Variants in COL5A2 observed in about 807,000 individuals in gnomAD.
COL5A2 encodes the protein collagen alpha-2(V) chain.
Under a neutral mutation model 208.2 loss-of-function variants are expected in COL5A2, and 23 were observed. That is an observed-to-expected ratio of 0.11 (90% CI 0.08 to 0.16). The LOEUF (loss-of-function observed/expected upper bound fraction) is 0.16. COL5A2 is among the 10% of genes least tolerant of loss of function. The pLI is 1.00. For synonymous variants in COL5A2, 625 were observed against 628.5 expected (o/e 0.99, Z 0.08); for missense variants, 1,590 against 1,956.4 (o/e 0.81, Z 3.53).
At chr2:189,386,441 C>G in the COL5A2 span, among the ~76,000 whole-genome samples, 1 of 152,032 alleles carries the variant, frequency 6.6e-6, no homozygotes, top group Admixed American at 6.6e-5. Flanking sequence ...ATGACTAAGT[C>G]CCCAAAAGCA....
the COL5A2 span, among the ~76,000 whole-genome samples, chr2:189,316,448 C>A: frequency 6.6e-6 from 1 of 151,928 alleles, no homozygotes; most frequent in Non-Finnish European, 1.5e-5. Context: ...GTGCAGCAAA[C>A]CACCATGGCA....
chr2:189,248,176 T>C, the COL5A2 span, among the ~76,000 whole-genome samples: 1 of 152,264 alleles, frequency 6.6e-6, no homozygotes, highest in Admixed American at 6.5e-5. Context: ...AATAGCAATG[T>C]GCTTTTTTCA....
chr2:189,319,517 T>C, the COL5A2 span, among the ~76,000 whole-genome samples: 1 of 152,246 alleles, frequency 6.6e-6, no homozygotes, highest in African/African-American at 2.4e-5. Context: ...CAGGAGATTA[T>C]ATCCCGTGCC....
chr2:189,142,975 T>C (rs1006397152), intron 1 of COL5A2, among the ~76,000 whole-genome samples: 1 of 152,192 alleles, frequency 6.6e-6, no homozygotes, highest in Admixed American at 6.6e-5. Context: ...CATTCTTAAG[T>C]AAATATTTTC....
chr2:189,160,894 G>A (rs10931400), intron 1 of COL5A2, among the ~76,000 whole-genome samples: 88,386 of 146,500 alleles, frequency 0.6, 27,655 homozygotes, highest in East Asian at 0.78. Flanking sequence ...GCAATGGCGC[G>A]ATCTCAGCTT....
rs564667906 is a variant in COL5A2 at position 189,034,820 on chromosome 2, G to A, written c.4353+96C>T. On this transcript the variant is annotated intron_variant, in intron 53 of 53. Transcript: ENST00000374866. ...AAACTGCTATTATGCTCATATACAA[G>A]GTAAAATTGCCCCCAGTTCTAGTGC... 4.9e-5 allele frequency: 71 copies of A among 1,445,210 alleles called. 2 individuals carry two copies. The East Asian group carries it at 1.6e-3, about 32-fold the overall frequency. 89.5% of individuals were successfully genotyped at this position (1,445,210 alleles called of 1,614,324 possible).
At chr2:189,342,447 G>A in the COL5A2 span, among the ~76,000 whole-genome samples, 17 of 111,116 alleles carry the variant, frequency 1.5e-4, no homozygotes, top group African/African-American at 4.2e-4. Context: ...TATATGTATA[G>A]ATATGCTTAT....
At chr2:189,085,400 T>C (rs1251056458) in intron 10 of COL5A2, among the ~76,000 whole-genome samples, 187 bp from the exon 11 acceptor site, 1 of 152,198 alleles carries the variant, frequency 6.6e-6, no homozygotes, top group Non-Finnish European at 1.5e-5. Flanking sequence ...CATCCCCAGA[T>C]CATGTGCTCA....
chr2:189,433,376 A>G, the COL5A2 span, among the ~76,000 whole-genome samples: 1 of 152,212 alleles, frequency 6.6e-6, no homozygotes, highest in Non-Finnish European at 1.5e-5. Flanking sequence ...CCCTTCAAAA[A>G]ATCAATGAAT....
the COL5A2 span, among the ~76,000 whole-genome samples, chr2:189,368,811 C>A: frequency 6.6e-6 from 1 of 152,150 alleles, no homozygotes; most frequent in African/African-American, 2.4e-5. Context: ...CTACACCCTA[C>A]CCATTCTGTA....
At chr2:189,296,892 A>G in the COL5A2 span, among the ~76,000 whole-genome samples, 2 of 152,218 alleles carry the variant, frequency 1.3e-5, no homozygotes, top group Non-Finnish European at 2.9e-5. Flanking sequence ...GAATTTGTAT[A>G]GATTTTAATG....
chr2:189,397,830 TTTC>T, the COL5A2 span, among the ~76,000 whole-genome samples: 62 of 152,128 alleles, frequency 4.1e-4, 1 homozygote, highest in East Asian at 4.4e-3. Context: ...TCCTCATTAT[TTTC>T]TTCTTTCCAC....
chr2:189,323,367 G>A, the COL5A2 span, among the ~76,000 whole-genome samples: 10 of 152,166 alleles, frequency 6.6e-5, no homozygotes, highest in East Asian at 1.9e-4. Context: ...ATTAGGAAAA[G>A]AGGAAGTCAA....
intron 41 of COL5A2, 98 bp from the exon 42 acceptor site, chr2:189,051,579 C>T: frequency 9.1e-7 from 1 of 1,093,990 alleles, no homozygotes; most frequent in Non-Finnish European, 1.3e-6. Context: ...GATGTCCAAG[C>T]CTCGCAGGTT....
At chr2:189,289,022 T>G in the COL5A2 span, among the ~76,000 whole-genome samples, 1 of 152,130 alleles carries the variant, frequency 6.6e-6, no homozygotes, top group Non-Finnish European at 1.5e-5. Context: ...CGCTGAAAGT[T>G]TCAACAAATT....
At position 189,064,630 on chromosome 2, in the gene COL5A2, A is replaced by G; in HGVS notation, c.1643T>C (p.Val548Ala). ...GCTTCCTTTGGGTCCTGAAGAACCT[A>G]CAGGACCCCGTTCTCCTTGAGCACC... ...PKGAQGERGPVGSSGPKGSQG... is the reference protein window; with the variant it reads ...PKGAQGERGPAGSSGPKGSQG... The change falls in exon 25 of 54, where the codon GTA becomes GCA. Residue 548 changes from valine to alanine, a missense_variant. Physicochemically the swap from Val to Ala is moderately conservative, Grantham distance 64. Coordinates refer to ENST00000374866, the MANE Select transcript of COL5A2 (RefSeq NM_000393.5). 1.2e-6 allele frequency: 2 copies of G among 1,613,648 alleles called. No individual in the cohort carries two copies. The highest frequency in any genetic ancestry group is 1.7e-6 in the Non-Finnish European group (2 of 1,179,698).
At chr2:189,281,051 A>G in the COL5A2 span, among the ~76,000 whole-genome samples, 1 of 152,062 alleles carries the variant, frequency 6.6e-6, no homozygotes, top group South Asian at 2.1e-4. Context: ...TGAATTTTTA[A>G]CAATATATTT....
At chr2:189,318,877 C>T in the COL5A2 span, among the ~76,000 whole-genome samples, 1 of 152,034 alleles carries the variant, frequency 6.6e-6, no homozygotes, top group Non-Finnish European at 1.5e-5. Context: ...GCAAATAAAC[C>T]TCTGCCAGAG....
intron 1 of COL5A2, among the ~76,000 whole-genome samples, chr2:189,224,356 G>A (rs1290675909): frequency 2.6e-5 from 4 of 151,836 alleles, no homozygotes; most frequent in African/African-American, 9.7e-5. Flanking sequence ...ATATAGAACA[G>A]GATATAATAA....
Sources: gnomAD v4.1 joint callset for allele counts (sites outside exome capture counted in the v4.1 genomes callset) on GRCh38, gnomAD v4.1.1 for gene constraint, MANE v1.5 for transcripts, NCBI Gene and HGNC (gene_info 2026-07-23, HGNC 2026-07-21) for gene names.